ADAM12: variants seen among roughly 807,000 people sequenced by gnomAD.
The protein encoded by ADAM12 is disintegrin and metalloproteinase domain-containing protein 12.
ADAM12 carries 70 observed loss-of-function variants against 106.4 expected under a neutral mutation model. The observed-to-expected ratio is 0.66, with a 90% CI of 0.54 to 0.80. The LOEUF (loss-of-function observed/expected upper bound fraction) is 0.80. ADAM12 is among the 30% of genes least tolerant of loss of function. The probability of loss-of-function intolerance (pLI) is 0.00; values close to 1 mark genes in which losing one functional copy is unlikely to be tolerated. For missense variants in ADAM12, 1,010 were observed against 1,171.9 expected (o/e 0.86, Z 2.02); for synonymous variants, 420 against 433.5 (o/e 0.97, Z 0.39).
intron 3 of ADAM12, among the ~76,000 whole-genome samples, chr10:126,271,929 C>CA (rs1465465540): frequency 2.0e-5 from 3 of 152,222 alleles, no homozygotes; most frequent in Admixed American, 2.0e-4. Context: ...GTCATCAGTA[C>CA]AAAGACCTTC....
At chr10:126,044,051 A>G (rs934418450) in intron 17 of ADAM12, among the ~76,000 whole-genome samples, 2 of 152,198 alleles carry the variant, frequency 1.3e-5, no homozygotes, top group Non-Finnish European at 2.9e-5. Context: ...TGGACTCGCT[A>G]TTATGCCAGA....
At chr10:126,207,408 G>A (rs556818516) in intron 3 of ADAM12, among the ~76,000 whole-genome samples, 34 of 152,272 alleles carry the variant, frequency 2.2e-4, no homozygotes, top group South Asian at 6.2e-4. Context: ...TGCAAATTAC[G>A]CAAGCTATTA....
At chr10:126,120,447 G>A (rs1956064097) in intron 5 of ADAM12, among the ~76,000 whole-genome samples, 1 of 152,160 alleles carries the variant, frequency 6.6e-6, no homozygotes, top group African/African-American at 2.4e-5. Flanking sequence ...AACATACAAT[G>A]GCCTGGGACA....
chr10:126,381,702 A>G (rs1856499947), intron 1 of ADAM12, among the ~76,000 whole-genome samples: 1 of 151,900 alleles, frequency 6.6e-6, no homozygotes, highest in Admixed American at 6.6e-5. Flanking sequence ...GGATTTCAAC[A>G]TGTTGACCAG....
At chr10:126,339,784 G>A (rs1310981542) in intron 1 of ADAM12, among the ~76,000 whole-genome samples, 3 of 152,014 alleles carry the variant, frequency 2.0e-5, no homozygotes, top group Non-Finnish European at 2.9e-5. Flanking sequence ...CTCAGACTGT[G>A]GCGGGCCTTT....
At chr10:126,379,007 G>A (rs896742676) in intron 1 of ADAM12, among the ~76,000 whole-genome samples, 1 of 152,118 alleles carries the variant, frequency 6.6e-6, no homozygotes, top group African/African-American at 2.4e-5. Flanking sequence ...AAATCCTAAT[G>A]CAGGCTCTGA....
At chr10:126,037,734 A>C (rs993563505) in intron 20 of ADAM12, among the ~76,000 whole-genome samples, 1 of 151,568 alleles carries the variant, frequency 6.6e-6, no homozygotes, top group African/African-American at 2.4e-5. Context: ...GTTCTCTGAA[A>C]CCACAGGGTG....
rs1429914162 is a variant in ADAM12, at chr10:126,066,549, G to T, written c.1413+168C>A. 6.6e-6 allele frequency among the ~76,000 whole-genome samples: 1 copy of T among 152,234 alleles called. No homozygotes were observed. The highest frequency in any genetic ancestry group is 1.5e-5 in the Non-Finnish European group (1 of 68,044). On this transcript the variant is annotated intron_variant, in intron 13 of 22. Transcript: ENST00000448723. This position sits in a 1 kb window ranked among gnomAD's most constrained non-coding sequence, Gnocchi z 5.1. ...CGTGCATTTCACCCCAAGATTGGAA[G>T]CTAAACAGTAAGAGGTGGGTAACAC... is the stretch of plus-strand genomic sequence containing the variant.
intron 11 of ADAM12, among the ~76,000 whole-genome samples, chr10:126,084,325 GAC>G (rs1565043774): frequency 6.6e-6 from 1 of 152,136 alleles, no homozygotes; most frequent in Non-Finnish European, 1.5e-5. Flanking sequence ...AGGGGCGGGG[GAC>G]ACAGTGTCCA....
At chr10:126,159,307 C>CAAAAAAAAAAAAAAAAA (rs3069557) in intron 3 of ADAM12, among the ~76,000 whole-genome samples, 2 of 80,630 alleles carry the variant, frequency 2.5e-5, no homozygotes, top group South Asian at 3.7e-4. Flanking sequence ...GAGACTCCAT[C>CAAAAAAAAAAAAAAAAA]AAAAAAAAAA....
At chr10:126,252,655 C>A (rs1368992995) in intron 3 of ADAM12, among the ~76,000 whole-genome samples, 1 of 152,152 alleles carries the variant, frequency 6.6e-6, no homozygotes, top group African/African-American at 2.4e-5. Context: ...GGATGGTGCC[C>A]ACCCACATTG....
chr10:126,078,047 A>G (rs1235524153), intron 11 of ADAM12, among the ~76,000 whole-genome samples: 2 of 152,182 alleles, frequency 1.3e-5, no homozygotes, highest in Admixed American at 6.5e-5. Flanking sequence ...TAATGGTAAC[A>G]CCATCTTAAT....
intron 5 of ADAM12, among the ~76,000 whole-genome samples, chr10:126,120,064 C>T (rs539687146): frequency 6.6e-6 from 1 of 152,284 alleles, no homozygotes; most frequent in Non-Finnish European, 1.5e-5. Flanking sequence ...ACAAAATTTT[C>T]ATGTAAAATT....
At chr10:126,385,010 G>T (rs1856613200) in intron 1 of ADAM12, among the ~76,000 whole-genome samples, 1 of 152,162 alleles carries the variant, frequency 6.6e-6, no homozygotes, top group African/African-American at 2.4e-5. Context: ...CCCCTTCTCA[G>T]GTTCAGTTAA....
chr10:126,219,975 G>A (rs1298632924), intron 3 of ADAM12, among the ~76,000 whole-genome samples: 10 of 152,330 alleles, frequency 6.6e-5, no homozygotes, highest in African/African-American at 2.4e-4. Flanking sequence ...GGAGACAGGA[G>A]CTGGAAAATT....
At chr10:126,294,482 A>T (rs1301231083) in intron 2 of ADAM12, among the ~76,000 whole-genome samples, 1 of 152,138 alleles carries the variant, frequency 6.6e-6, no homozygotes, top group African/African-American at 2.4e-5. Context: ...AAACTGCAGG[A>T]TTTCTCCCGC....
intron 3 of ADAM12, among the ~76,000 whole-genome samples, chr10:126,239,725 C>G (rs889250340): frequency 6.6e-6 from 1 of 152,108 alleles, no homozygotes; most frequent in African/African-American, 2.4e-5. Flanking sequence ...ATCACAAATC[C>G]TAATATTAGA....
chr10:126,033,819 T>TTAAAG (rs574077658), intron 21 of ADAM12, among the ~76,000 whole-genome samples: 47 of 152,300 alleles, frequency 3.1e-4, no homozygotes, highest in African/African-American at 1.1e-3. Flanking sequence ...AACAACATTT[T>TTAAAG]TAAAGTACTG....
intron 3 of ADAM12, among the ~76,000 whole-genome samples, chr10:126,269,524 C>T (rs1183444239): frequency 6.6e-6 from 1 of 152,174 alleles, no homozygotes; most frequent in East Asian, 1.9e-4. Context: ...ACGACCCCAG[C>T]CTGCACAGTA....
Sources: gnomAD v4.1 joint callset for allele counts (sites outside exome capture counted in the v4.1 genomes callset) on GRCh38, gnomAD v4.1.1 for gene constraint, Gnocchi (gnomAD v3.1) non-coding constraint, MANE v1.5 for transcripts, NCBI Gene and HGNC (gene_info 2026-07-23, HGNC 2026-07-21) for gene names.